The following ATP2B1 variants were observed in gnomAD, a reference collection of about 807,000 sequenced individuals.
ATP2B1 encodes ATPase plasma membrane Ca2+ transporting 1, also known as plasma membrane calcium-transporting ATPase 1.
ATP2B1 carries 14 observed loss-of-function variants against 124.2 expected under a neutral mutation model. The ratio of observed to expected loss-of-function variants is 0.11; its 90% CI spans 0.07 to 0.18. The LOEUF is 0.18. ATP2B1 is among the 10% of genes least tolerant of loss of function. The probability of loss-of-function intolerance (pLI) is 1.00; values close to 1 mark genes in which losing one functional copy is unlikely to be tolerated. For missense variants in ATP2B1, 763 were observed against 1,466.1 expected (o/e 0.52, Z 7.83); for synonymous variants, 449 against 492.4 (o/e 0.91, Z 1.17).
intron 1 of ATP2B1, among the ~76,000 whole-genome samples, chr12:89,659,945 AAAG>A (rs1183537714): frequency 6.6e-6 from 1 of 151,490 alleles, no homozygotes; most frequent in Non-Finnish European, 1.5e-5. Flanking sequence ...AAAAAACAAA[AAAG>A]AAGAGAAAAG....
intron 15 of ATP2B1, 31 bp downstream of exon 15, chr12:89,609,906 C>T (rs773313316): frequency 8.2e-6 from 13 of 1,584,850 alleles, no homozygotes; most frequent in East Asian, 2.2e-5. Flanking sequence ...CAGTAAATTA[C>T]GTTTGGATAT....
intron 3 of ATP2B1, among the ~76,000 whole-genome samples, chr12:89,640,003 C>T (rs1883264704): frequency 6.6e-6 from 1 of 152,148 alleles, no homozygotes; most frequent in African/African-American, 2.4e-5. Context: ...AAAAATTCAG[C>T]TGTATGTTGC....
At chr12:89,621,148 C>T (rs1171306208) in intron 10 of ATP2B1, among the ~76,000 whole-genome samples, 2 of 152,098 alleles carry the variant, frequency 1.3e-5, no homozygotes, top group African/African-American at 4.8e-5. Flanking sequence ...AAACAGAACA[C>T]ATGGCAACCA....
intron 6 of ATP2B1, among the ~76,000 whole-genome samples, chr12:89,627,921 AG>A (rs1881155181): frequency 6.6e-6 from 1 of 152,250 alleles, no homozygotes; most frequent in South Asian, 2.1e-4. Context: ...AAAATAATTT[AG>A]GGTGTCTATA....
intron 14 of ATP2B1, 100 bp from the exon 15 acceptor site, chr12:89,610,143 A>G: frequency 9.3e-7 from 1 of 1,079,656 alleles, no homozygotes; most frequent in African/African-American, 1.6e-5. Flanking sequence ...CAAGGTTAAA[A>G]ATAAATAAAC....
At chr12:89,626,420 A>G in intron 8 of ATP2B1, 34 bp downstream of exon 8, 1 of 1,550,018 alleles carries the variant, frequency 6.5e-7, no homozygotes, top group Non-Finnish European at 8.7e-7. Flanking sequence ...CATACTTAAA[A>G]ATAAAACACT....
intron 2 of ATP2B1, among the ~76,000 whole-genome samples, chr12:89,647,906 C>T (rs1158736336): frequency 6.6e-6 from 1 of 152,176 alleles, no homozygotes; most frequent in Non-Finnish European, 1.5e-5. Flanking sequence ...CTCTCACTCT[C>T]ATCATGTAAC....
At chr12:89,689,692 T>C (rs1335170200) in intron 1 of ATP2B1, among the ~76,000 whole-genome samples, 7 of 152,154 alleles carry the variant, frequency 4.6e-5, no homozygotes, top group Non-Finnish European at 7.4e-5. Flanking sequence ...TATATATTTG[T>C]AGACTTCCAT....
intron 6 of ATP2B1, among the ~76,000 whole-genome samples, chr12:89,628,790 G>A (rs1419031620): frequency 6.6e-6 from 1 of 152,166 alleles, no homozygotes; most frequent in African/African-American, 2.4e-5. Context: ...AGAAGCTCAA[G>A]ATTGATGAGG....
chr12:89,672,479 G>C (rs189310049), intron 1 of ATP2B1, among the ~76,000 whole-genome samples: 4 of 152,204 alleles, frequency 2.6e-5, no homozygotes, highest in Non-Finnish European at 5.9e-5. Flanking sequence ...TTTTAAAAAG[G>C]AAGAAAAAGA....
intron 1 of ATP2B1, among the ~76,000 whole-genome samples, chr12:89,672,322 C>T (rs1330805488): frequency 3.3e-5 from 5 of 152,026 alleles, no homozygotes; most frequent in African/African-American, 1.2e-4. Flanking sequence ...GGCATAGTGG[C>T]GGGTGCCTGT....
chr12:89,623,728 T>C (rs538052069), intron 9 of ATP2B1, among the ~76,000 whole-genome samples: 3 of 152,362 alleles, frequency 2.0e-5, no homozygotes, highest in Admixed American at 2.0e-4. Context: ...GGCAGGGCCC[T>C]GCAGGCCATG....
At chr12:89,656,204 A>G (rs368865077) in intron 1 of ATP2B1, 97 bp from the exon 2 acceptor site, 29 of 396,206 alleles carry the variant, frequency 7.3e-5, no homozygotes, top group East Asian at 6.5e-4. Context: ...GCTAAAGTAG[A>G]TAATTTAATA....
intron 1 of ATP2B1, among the ~76,000 whole-genome samples, chr12:89,663,366 A>G (rs540198881): frequency 2.0e-5 from 3 of 152,336 alleles, no homozygotes; most frequent in Admixed American, 2.0e-4. Flanking sequence ...TTTTTTAACC[A>G]GGGTCTTAGA....
intron 9 of ATP2B1, among the ~76,000 whole-genome samples, chr12:89,622,227 C>T (rs534565086): frequency 1.3e-5 from 2 of 151,846 alleles, no homozygotes; most frequent in Non-Finnish European, 2.9e-5. Context: ...ACAAAAGATT[C>T]TTACATCAGT....
At chr12:89,646,308 A>G (rs1296708300) in intron 2 of ATP2B1, among the ~76,000 whole-genome samples, 1 of 152,182 alleles carries the variant, frequency 6.6e-6, no homozygotes, top group Non-Finnish European at 1.5e-5. Flanking sequence ...AGCCAGAGTC[A>G]TCAATATACA....
chr12:89,607,334 C>T (rs1390681851), intron 15 of ATP2B1, among the ~76,000 whole-genome samples: 8 of 152,130 alleles, frequency 5.3e-5, no homozygotes, highest in Non-Finnish European at 1.2e-4. Context: ...GAATGAGGGC[C>T]TCTTGGTTCC....
intron 1 of ATP2B1, among the ~76,000 whole-genome samples, chr12:89,663,071 T>C (rs536749903): frequency 2.8e-4 from 42 of 152,314 alleles, no homozygotes; most frequent in African/African-American, 1.0e-3. Context: ...TGGAACATAG[T>C]AGGTACTCTT....
Position 89,631,571 on chromosome 12 carries a change from C to T in ATP2B1, c.788-926G>A, listed in dbSNP as rs186932490. On this transcript the variant is annotated intron_variant, in intron 5 of 20. Transcript: ENST00000428670. ...CCTAAAATTGTGATTTCATCATATACTTCTCATGGCTCAAAAATTTCTGAT... is the reference window on the plus strand; with the variant it reads ...CCTAAAATTGTGATTTCATCATATATTTCTCATGGCTCAAAAATTTCTGAT... Among the ~76,000 whole-genome samples the T allele has an allele frequency of 1.9e-3, 286 of 152,280 alleles. 5 individuals are homozygous for T. The highest frequency in any genetic ancestry group is 0.017 in the Admixed American group (261 of 15,296).
Sources: gnomAD v4.1 joint callset for allele counts (sites outside exome capture counted in the v4.1 genomes callset) on GRCh38, gnomAD v4.1.1 for gene constraint, MANE v1.5 for transcripts, NCBI Gene and HGNC (gene_info 2026-07-23, HGNC 2026-07-21) for gene names.